SH3TC2: variants seen among roughly 807,000 people sequenced by gnomAD.
SH3TC2 encodes the protein SH3 domain and tetratricopeptide repeats 2, also known as SH3 domain and tetratricopeptide repeat-containing protein 2.
Under a neutral mutation model 124.5 loss-of-function variants are expected in SH3TC2, and 87 were observed. The observed-to-expected ratio is 0.70, with a 90% CI of 0.59 to 0.84. SH3TC2 has a LOEUF of 0.84. Among genes scored for constraint, SH3TC2 ranks in the 40% least tolerant of loss-of-function variants. SH3TC2 has a pLI of 0.00. For synonymous variants in SH3TC2, 634 were observed against 628.5 expected (o/e 1.01, Z -0.13); for missense variants, 1,536 against 1,566.4 (o/e 0.98, Z 0.33).
At position 149,038,309 on chromosome 5, in the gene SH3TC2, A is replaced by T; in HGVS notation, c.987T>A (p.Asp329Glu). The T allele has an allele frequency of 6.2e-7, 1 of 1,614,088 alleles. No individual in the cohort carries two copies. Among genetic ancestry groups the T allele is most frequent in the Non-Finnish European group, 8.5e-7 (1 of 1,179,934 alleles). ...TCAATACTCACATTGGGGAATAAGA[A>T]TCAGGATCTATGTTCCTGGTGGGGA... ...GFVPTRNIDPDSYSPMSRNSA... is the reference protein window; with the variant it reads ...GFVPTRNIDPESYSPMSRNSA... The change falls in exon 8 of 17, where the codon GAT becomes GAA. Residue 329 changes from aspartate to glutamate, a missense_variant. Around this residue, in one of 3 missense-constraint regions of SH3TC2, gnomAD observed 1,102 missense variants for 1,098.6 expected, o/e 1.00. Coordinates refer to ENST00000515425, the MANE Select transcript of SH3TC2 (RefSeq NM_024577.4).
At chr5:149,005,363 G>A (rs1331239559) in intron 16 of SH3TC2, among the ~76,000 whole-genome samples, 1 of 152,188 alleles carries the variant, frequency 6.6e-6, no homozygotes, top group East Asian at 1.9e-4. Flanking sequence ...AACATACAGA[G>A]TCAAGGAATA....
At chr5:149,055,574 T>C (rs925821522) in intron 1 of SH3TC2, among the ~76,000 whole-genome samples, 12 of 152,054 alleles carry the variant, frequency 7.9e-5, no homozygotes, top group Admixed American at 1.3e-4. Flanking sequence ...GCAACTAGAA[T>C]ATACTGCAAG....
chr5:149,004,987 G>GTTTTTT, intron 16 of SH3TC2, 85 bp from the exon 17 acceptor site: 9 of 1,359,344 alleles, frequency 6.6e-6, no homozygotes, highest in South Asian at 1.3e-5. Flanking sequence ...GGCCACTCTA[G>GTTTTTT]TTTTTTTTGT....
At chr5:149,011,433 C>A (rs930126432) in intron 13 of SH3TC2, among the ~76,000 whole-genome samples, 3 of 152,226 alleles carry the variant, frequency 2.0e-5, no homozygotes, top group Non-Finnish European at 4.4e-5. Context: ...TCTGGAAACC[C>A]TTTCAGCCCA....
intron 1 of SH3TC2, among the ~76,000 whole-genome samples, chr5:149,061,501 A>T (rs1036021294): frequency 6.6e-6 from 1 of 152,242 alleles, no homozygotes; most frequent in African/African-American, 2.4e-5. Context: ...TGTGCACCAG[A>T]CTGTTTCACC....
At chr5:149,021,884 C>CTTTTTTT in intron 12 of SH3TC2, among the ~76,000 whole-genome samples, 512 of 32,608 alleles carry the variant, frequency 0.016, 181 homozygotes, top group East Asian at 0.027. Flanking sequence ...CAAACTCTTT[C>CTTTTTTT]TTTTTTTTTT....
Position 148,995,950 on chromosome 5 carries a change from G to A in SH3TC2, c.*8761C>T, listed in dbSNP as rs1176559868. The stretch of plus-strand genomic sequence containing the variant: ...TAAGGACATGAGGAAAAAGAAAAAA[G>A]AGACCAACTGGCCGGGTGCCATGGC... On this transcript the variant is annotated 3_prime_UTR_variant, in exon 17 of 17. Coordinates refer to ENST00000515425, the MANE Select transcript of SH3TC2 (RefSeq NM_024577.4). 6.6e-6 allele frequency among the ~76,000 whole-genome samples: 1 copy of A among 152,066 alleles called. No homozygotes were observed. The highest frequency in any genetic ancestry group is 6.6e-5 in the Admixed American group (1 of 15,258).
chr5:149,015,977 T>C (rs948446977), intron 12 of SH3TC2, among the ~76,000 whole-genome samples: 3 of 152,270 alleles, frequency 2.0e-5, no homozygotes, highest in South Asian at 2.1e-4. Flanking sequence ...TGTTGTTGTT[T>C]TGATTTGTTT....
intron 12 of SH3TC2, among the ~76,000 whole-genome samples, chr5:149,017,540 T>C (rs940574675): frequency 1.3e-5 from 2 of 152,036 alleles, no homozygotes; most frequent in Non-Finnish European, 2.9e-5. Context: ...ACACACACCA[T>C]AACCCACTTC....
chr5:149,054,809 C>A (rs550937968), intron 1 of SH3TC2, among the ~76,000 whole-genome samples: 2 of 152,278 alleles, frequency 1.3e-5, no homozygotes, highest in Non-Finnish European at 2.9e-5. Flanking sequence ...CTGACCCTGG[C>A]AAGTTTGTGA....
At chr5:149,032,695 G>T (rs1384854045) in intron 8 of SH3TC2, among the ~76,000 whole-genome samples, 1 of 152,202 alleles carries the variant, frequency 6.6e-6, no homozygotes, top group Admixed American at 6.5e-5. Context: ...TTGGTGGTTA[G>T]GGAGTGGTAG....
chr5:149,056,555 T>A (rs1561774862), intron 1 of SH3TC2, among the ~76,000 whole-genome samples: 2 of 152,214 alleles, frequency 1.3e-5, no homozygotes, highest in Non-Finnish European at 2.9e-5. Context: ...TTACTCTACC[T>A]TGAAATATCT....
At position 148,993,107 on chromosome 5, in the gene SH3TC2, C is replaced by T. The variant is rs143229015; in HGVS notation, c.*11604G>A. Among the ~76,000 whole-genome samples the T allele has an allele frequency of 8.2e-3, 1,244 of 152,288 alleles. 14 individuals are homozygous for T. The highest frequency in any genetic ancestry group is 0.026 in the African/African-American group (1,097 of 41,560). On this transcript the variant is annotated 3_prime_UTR_variant, in exon 17 of 17. Transcript: ENST00000515425. ...TCCATAGACGCTTAAGGTGATTAGGCATTTGTCCCTCACCGTTTCGATTGA... is the reference window on the plus strand; with the variant it reads ...TCCATAGACGCTTAAGGTGATTAGGTATTTGTCCCTCACCGTTTCGATTGA...
At chr5:149,016,014 A>C (rs1009074541) in intron 12 of SH3TC2, among the ~76,000 whole-genome samples, 1 of 152,196 alleles carries the variant, frequency 6.6e-6, no homozygotes, top group Non-Finnish European at 1.5e-5. Context: ...GTTTTCCTGC[A>C]CATTTCTAAA....
In SH3TC2 at chr5:149,028,569, AAAGTT is replaced by A. The variant is rs753613813; in HGVS notation, c.1178-20_1178-16del. On this transcript the variant is annotated splice_polypyrimidine_tract_variant and intron_variant, in intron 10 of 16. Transcript: ENST00000515425. The stretch of plus-strand genomic sequence containing the variant: ...AGGCTGGGATGCTGTAAGGACAGGC[AAAGTT>A]GAGCAACCTTGGGCACCTGCACCTA... The A allele has an allele frequency of 6.2e-7, 1 of 1,614,054 alleles. No individual in the cohort carries two copies. Among genetic ancestry groups the A allele is most frequent in the African/African-American group, 1.3e-5 (1 of 74,936 alleles).
Position 149,004,074 on chromosome 5 carries a change from T to C in SH3TC2, c.*637A>G, listed in dbSNP as rs945520859. 1.5e-5 allele frequency: 3 copies of C among 196,558 alleles called. No homozygotes were observed. The highest frequency in any genetic ancestry group is 5.7e-5 in the Admixed American group (1 of 17,612). The allele number at this position is 196,558 out of a possible 1,614,324, so 12.2% of individuals were successfully genotyped here. A position where few individuals can be genotyped will look rare whatever the true frequency, so the allele number is the denominator to read the frequency against. On this transcript the variant is annotated 3_prime_UTR_variant, in exon 17 of 17. Transcript: ENST00000515425. Reference sequence around the variant, plus strand: ...AAGCTTCCCTGGAGCTTCTGGGAGGTTATGTGGGAGCACAGCCTTATGGCA... The same window carrying C: ...AAGCTTCCCTGGAGCTTCTGGGAGGCTATGTGGGAGCACAGCCTTATGGCA...
In SH3TC2 at chr5:149,031,658, T is replaced by C. The variant is rs753849885; in HGVS notation, c.1031A>G (p.Glu344Gly). ...MSRNSAFLSD[E>G]ERCSLLALGS... Reference sequence around the variant, plus strand: ...CAGGGCCAACAGGGAGCATCTCTCCTCATCACTGAGAAAGGCAGAGTTCCT... The same window carrying C: ...CAGGGCCAACAGGGAGCATCTCTCCCCATCACTGAGAAAGGCAGAGTTCCT... Residue 344 changes from glutamate (E) to glycine (G), a missense_variant, in exon 9 of 17, where the codon GAG becomes GGG. Glu to Gly is a moderately conservative substitution (Grantham distance 98). Around this residue, in one of 3 missense-constraint regions of SH3TC2, gnomAD observed 1,102 missense variants for 1,098.6 expected, o/e 1.00. Transcript: ENST00000515425. The C allele has an allele frequency of 3.1e-6, 5 of 1,614,098 alleles. No individual in the cohort carries two copies. The highest frequency in any genetic ancestry group is 1.1e-5 in the South Asian group (1 of 91,074).
chr5:149,013,616 G>C (rs982030344), intron 12 of SH3TC2, among the ~76,000 whole-genome samples: 3 of 152,198 alleles, frequency 2.0e-5, no homozygotes, highest in Non-Finnish European at 4.4e-5. Flanking sequence ...TCAAAGTAGA[G>C]TGAAAGTTTT....
intron 12 of SH3TC2, among the ~76,000 whole-genome samples, chr5:149,016,764 A>C (rs1753880404): frequency 6.6e-6 from 1 of 151,948 alleles, no homozygotes; most frequent in Admixed American, 6.6e-5. Context: ...TCTCTACTAA[A>C]AATACAAAAA....
Sources: gnomAD v4.1 joint callset for allele counts (sites outside exome capture counted in the v4.1 genomes callset) on GRCh38, gnomAD v4.1.1 for gene constraint, gnomAD v4.1.1 regional missense constraint, MANE v1.5 for transcripts, NCBI Gene and HGNC (gene_info 2026-07-23, HGNC 2026-07-21) for gene names.